MED13L: variants seen among roughly 807,000 people sequenced by gnomAD.
The protein encoded by MED13L is mediator complex subunit 13L.
MED13L carries 7 observed loss-of-function variants against 220.9 expected under a neutral mutation model. That is an observed-to-expected ratio of 0.03 (90% CI 0.02 to 0.06). The LOEUF (loss-of-function observed/expected upper bound fraction) is 0.06, where lower values mean the gene tolerates loss of function less well. Among genes scored for constraint, MED13L ranks in the 10% least tolerant of loss-of-function variants. MED13L has a pLI of 1.00. For missense variants in MED13L, 1,965 were observed against 2,760.5 expected (o/e 0.71, Z 6.46); for synonymous variants, 1,011 against 1,015.2 (o/e 1.00, Z 0.08).
intron 4 of MED13L, among the ~76,000 whole-genome samples, chr12:116,069,358 C>T (rs1349372872): frequency 1.3e-5 from 2 of 152,066 alleles, no homozygotes; most frequent in Admixed American, 6.6e-5. Context: ...TATGTGGGTA[C>T]CTTTAAGTAT....
chr12:116,092,075 T>C (rs904422981), intron 4 of MED13L, among the ~76,000 whole-genome samples: 2 of 152,266 alleles, frequency 1.3e-5, no homozygotes, highest in Admixed American at 6.5e-5. Context: ...AAAACTATTA[T>C]GCATGATTAT....
intron 3 of MED13L, among the ~76,000 whole-genome samples, 157 bp downstream of exon 3, chr12:116,111,271 A>T (rs952517015): frequency 6.6e-6 from 1 of 152,210 alleles, no homozygotes; most frequent in Non-Finnish European, 1.5e-5. Context: ...TAAATTTCAA[A>T]TTATATCAAT....
intron 2 of MED13L, among the ~76,000 whole-genome samples, chr12:116,235,246 A>C (rs1869966950): frequency 6.6e-6 from 1 of 152,164 alleles, no homozygotes; most frequent in African/African-American, 2.4e-5. Flanking sequence ...TGAATCTAAA[A>C]ACTTGCTCAA....
intron 4 of MED13L, among the ~76,000 whole-genome samples, chr12:116,056,558 A>G (rs1038663940): frequency 1.3e-5 from 2 of 152,290 alleles, no homozygotes; most frequent in Non-Finnish European, 2.9e-5. Context: ...TTCTTTATTC[A>G]TAATAGCTGT....
chr12:116,106,334 T>C (rs1246062796), intron 3 of MED13L, among the ~76,000 whole-genome samples: 2 of 151,912 alleles, frequency 1.3e-5, no homozygotes, highest in Admixed American at 1.3e-4. Context: ...GAACGAAAAA[T>C]GCAGGAGGGT....
intron 1 of MED13L, among the ~76,000 whole-genome samples, chr12:116,256,584 A>T (rs1872069728): frequency 6.6e-6 from 1 of 151,744 alleles, no homozygotes; most frequent in African/African-American, 2.4e-5. Flanking sequence ...AAGTGAGTAT[A>T]TTTTATTGTA....
chr12:116,011,693 C>G (rs925245465), intron 9 of MED13L, among the ~76,000 whole-genome samples: 2 of 152,156 alleles, frequency 1.3e-5, no homozygotes, highest in South Asian at 4.1e-4. Context: ...CTCACATGCT[C>G]AGAGAGGGAA....
At chr12:116,247,049 A>C (rs528944118) in intron 1 of MED13L, among the ~76,000 whole-genome samples, 2 of 152,136 alleles carry the variant, frequency 1.3e-5, no homozygotes, top group Non-Finnish European at 2.9e-5. Flanking sequence ...GAATTGAAAA[A>C]TCTAAAAGTA....
intron 2 of MED13L, among the ~76,000 whole-genome samples, chr12:116,118,188 G>GT (rs1265064584): frequency 3.3e-5 from 5 of 152,000 alleles, no homozygotes; most frequent in Non-Finnish European, 7.4e-5. Context: ...TTTATATTCT[G>GT]TAAGTATATA....
chr12:116,095,363 A>G (rs1872562619), intron 4 of MED13L, among the ~76,000 whole-genome samples: 1 of 152,350 alleles, frequency 6.6e-6, no homozygotes, highest in East Asian at 1.9e-4. Context: ...AAAATGCTTC[A>G]AAGAAGTTTA....
intron 2 of MED13L, among the ~76,000 whole-genome samples, chr12:116,224,320 C>T (rs889722694): frequency 1.3e-5 from 2 of 152,202 alleles, no homozygotes; most frequent in Non-Finnish European, 2.9e-5. Flanking sequence ...TGCAGTTACA[C>T]GCACATGCTT....
intron 2 of MED13L, among the ~76,000 whole-genome samples, chr12:116,153,242 C>G (rs1878189952): frequency 6.6e-6 from 1 of 152,180 alleles, no homozygotes; most frequent in African/African-American, 2.4e-5. Flanking sequence ...ATACACAGAA[C>G]TTACTGAGGG....
chr12:115,997,019 C>A lies in MED13L; in HGVS notation c.2781G>T (p.Glu927Asp). 1 of 1,613,480 alleles carries A rather than the reference C, an allele frequency of 6.2e-7. No homozygotes were observed. The highest frequency in any genetic ancestry group is 8.5e-7 in the Non-Finnish European group (1 of 1,179,426). ...ATATATTGACAACTACCTTAATTTC[C>A]TCGGGCTTGGGACTTCCTAATCCAT... is the stretch of plus-strand genomic sequence containing the variant. Reference protein sequence around the residue: ...VEDGLGSPKPEEIKDFSYVHK... With the variant: ...VEDGLGSPKPDEIKDFSYVHK... Residue 927 changes from glutamate (E) to aspartate (D), a missense_variant, in exon 15 of 31, where the codon GAG becomes GAT. Glu to Asp is a conservative substitution (Grantham distance 45). Transcript: ENST00000281928.
At chr12:116,104,084 C>CA (rs1170774859) in intron 3 of MED13L, among the ~76,000 whole-genome samples, 1 of 139,080 alleles carries the variant, frequency 7.2e-6, no homozygotes, top group African/African-American at 2.6e-5. Context: ...GGTCTTGGCT[C>CA]ACTGCAACCT....
intron 1 of MED13L, among the ~76,000 whole-genome samples, chr12:116,239,826 C>T (rs1017839941): frequency 3.9e-5 from 6 of 152,246 alleles, no homozygotes; most frequent in South Asian, 2.1e-4. Context: ...TTGAATAGAA[C>T]GGTATGTACT....
At chr12:116,160,156 C>T (rs1047641153) in intron 2 of MED13L, among the ~76,000 whole-genome samples, 5 of 152,240 alleles carry the variant, frequency 3.3e-5, no homozygotes, top group African/African-American at 9.6e-5. Flanking sequence ...ATCAACATAT[C>T]GTCAGGTTAA....
intron 2 of MED13L, among the ~76,000 whole-genome samples, chr12:116,117,656 A>C (rs1446539488): frequency 6.6e-6 from 1 of 151,980 alleles, no homozygotes; most frequent in Non-Finnish European, 1.5e-5. Flanking sequence ...CCATTCATAA[A>C]GTATTAAAAA....
intron 2 of MED13L, among the ~76,000 whole-genome samples, chr12:116,118,970 A>G (rs56350518): frequency 0.15 from 22,776 of 152,168 alleles, 1,914 homozygotes; most frequent in Middle Eastern, 0.21. Flanking sequence ...GAAAACAATC[A>G]TTCTTGTTTT....
At chr12:116,153,099 C>T (rs994690420) in intron 2 of MED13L, among the ~76,000 whole-genome samples, 3 of 152,070 alleles carry the variant, frequency 2.0e-5, no homozygotes, top group Non-Finnish European at 4.4e-5. Context: ...CAGAATTCTC[C>T]AATAATTAAA....
Sources: gnomAD v4.1 joint callset for allele counts (sites outside exome capture counted in the v4.1 genomes callset) on GRCh38, gnomAD v4.1.1 for gene constraint, MANE v1.5 for transcripts, NCBI Gene and HGNC (gene_info 2026-07-23, HGNC 2026-07-21) for gene names.